Variants in CSMD2 observed in about 807,000 individuals in gnomAD.
CSMD2 encodes CUB and Sushi multiple domains 2.
A neutral mutation model predicts 398.5 loss-of-function variants in CSMD2; 130 were observed. That is an observed-to-expected ratio of 0.33 (90% CI 0.28 to 0.38). The LOEUF is 0.38. Among genes scored for constraint, CSMD2 ranks in the 10% least tolerant of loss-of-function variants. CSMD2 has a pLI of 1.00. For missense variants in CSMD2, 3,829 were observed against 4,764.9 expected, an observed-to-expected ratio of 0.80 and a Z score of 5.78; for synonymous variants, 1,828 against 1,908.5, an observed-to-expected ratio of 0.96 and a Z score of 1.10.
At chr1:33,946,220 ACT>A (rs1173127852) in intron 3 of CSMD2, among the ~76,000 whole-genome samples, 1 of 152,164 alleles carries the variant, frequency 6.6e-6, no homozygotes. Context: ...TTGGAACTTT[ACT>A]CTCAGTAATG....
chr1:33,792,870 C>G (rs1654487373), intron 10 of CSMD2, among the ~76,000 whole-genome samples: 1 of 152,208 alleles, frequency 6.6e-6, no homozygotes, highest in South Asian at 2.1e-4. Flanking sequence ...TTGTTGGCAA[C>G]TTTTCAGGCC....
At chr1:34,030,529 C>T (rs372659242) in intron 3 of CSMD2, among the ~76,000 whole-genome samples, 10 of 152,176 alleles carry the variant, frequency 6.6e-5, no homozygotes, top group African/African-American at 2.4e-4. Context: ...AAGATATACC[C>T]ACCCTCAGAA....
chr1:33,773,067 T>C (rs1242944261), intron 12 of CSMD2, among the ~76,000 whole-genome samples: 2 of 152,186 alleles, frequency 1.3e-5, no homozygotes, highest in Non-Finnish European at 2.9e-5. Flanking sequence ...GATGAAGCAA[T>C]TTTAGGGAGA....
chr1:33,849,014 T>C (rs900713171), intron 5 of CSMD2, among the ~76,000 whole-genome samples: 3 of 152,104 alleles, frequency 2.0e-5, no homozygotes, highest in African/African-American at 7.2e-5. Context: ...CAGCAGGAAG[T>C]CAGTGAGACT....
At chr1:33,670,211 CAG>C (rs1449471445) in intron 25 of CSMD2, among the ~76,000 whole-genome samples, 1 of 152,180 alleles carries the variant, frequency 6.6e-6, no homozygotes, top group Non-Finnish European at 1.5e-5. Flanking sequence ...CCTGCTCTAT[CAG>C]AGTCATCCAT....
At chr1:33,604,200 G>A (rs1373452688) in intron 42 of CSMD2, among the ~76,000 whole-genome samples, 1 of 152,242 alleles carries the variant, frequency 6.6e-6, no homozygotes, top group Non-Finnish European at 1.5e-5. Flanking sequence ...CAAGGTGTGA[G>A]AATGGAAGAA....
chr1:33,987,213 T>C (rs778080178), intron 3 of CSMD2, among the ~76,000 whole-genome samples: 33 of 152,064 alleles, frequency 2.2e-4, no homozygotes, highest in Non-Finnish European at 4.7e-4. Context: ...CTTGGACAAT[T>C]CCCTTATCTA....
chr1:33,524,730 C>A (rs963337337), intron 66 of CSMD2, 152 bp downstream of exon 66: 1 of 682,290 alleles, frequency 1.5e-6, no homozygotes, highest in Non-Finnish European at 2.4e-6. Context: ...AGTGCTTTAT[C>A]ATGTAAAGAT....
chr1:33,913,390 G>A (rs1012105586), intron 5 of CSMD2, among the ~76,000 whole-genome samples: 33 of 152,172 alleles, frequency 2.2e-4, no homozygotes, highest in Non-Finnish European at 2.6e-4. Flanking sequence ...CCACTGGGCT[G>A]GAAAGCTCAT....
intron 13 of CSMD2, among the ~76,000 whole-genome samples, chr1:33,751,764 G>T (rs372828058): frequency 6.6e-6 from 1 of 152,112 alleles, no homozygotes; most frequent in East Asian, 1.9e-4. Context: ...GAATACAGGT[G>T]TGTGCCACCA....
chr1:33,782,802 G>T (rs146420860), intron 12 of CSMD2, among the ~76,000 whole-genome samples: 31 of 152,260 alleles, frequency 2.0e-4, no homozygotes, highest in Non-Finnish European at 4.1e-4. Flanking sequence ...GAACTTGGTG[G>T]AATTATTATT....
chr1:33,533,217 C>G lies in CSMD2; in HGVS notation c.10004G>C (p.Arg3335Thr). 2 of 1,613,944 alleles carry G rather than the reference C, an allele frequency of 1.2e-6. No individual in the cohort carries two copies. Among genetic ancestry groups the G allele is most frequent in the Non-Finnish European group, 1.7e-6 (2 of 1,179,990 alleles). ...GGCATGCGTTGGCGTCTCTGGCTGC[C>G]TGCAGTGGTGGGCTGGATGAGAGGA... is the stretch of plus-strand genomic sequence containing the variant. ...TPPDCVPHHC[R>T]QPETPTHANV... Residue 3335 changes from arginine (R) to threonine (T), a missense_variant, in exon 64 of 71, where the codon AGG becomes ACG. Coordinates refer to ENST00000373381, the MANE Select transcript of CSMD2 (RefSeq NM_001281956.2). The surrounding 1 kb of genome is among the most constrained non-coding windows in gnomAD (Gnocchi z 4.2).
intron 13 of CSMD2, among the ~76,000 whole-genome samples, chr1:33,768,882 A>T (rs1650900853): frequency 6.6e-6 from 1 of 152,208 alleles, no homozygotes; most frequent in South Asian, 2.1e-4. Context: ...TATACTATAC[A>T]CATTAAGAAC....
At chr1:33,665,228 T>C (rs553623014) in intron 25 of CSMD2, among the ~76,000 whole-genome samples, 1 of 152,314 alleles carries the variant, frequency 6.6e-6, no homozygotes, top group African/African-American at 2.4e-5. Context: ...TGCTAATCTT[T>C]TCTCCTAGTG....
Position 34,125,895 on chromosome 1 carries a change from A to AG in CSMD2, c.188-36703dup, listed in dbSNP as rs1366264965. 2.0e-5 allele frequency among the ~76,000 whole-genome samples: 3 copies of AG among 152,120 alleles called. No individual in the cohort carries two copies. In the East Asian group the frequency reaches 5.8e-4, roughly 29 times the overall value. ...AGTTCAGGCCCCGGGAGGGCTTTTG[A>AG]GGGGGAGATCTCCAGGACCCAGTGG... On this transcript the variant is annotated intron_variant, in intron 1 of 70. Coordinates refer to ENST00000373381, the MANE Select transcript of CSMD2 (RefSeq NM_001281956.2).
chr1:34,114,043 A>G (rs1252590681), intron 1 of CSMD2, among the ~76,000 whole-genome samples: 1 of 152,202 alleles, frequency 6.6e-6, no homozygotes, highest in African/African-American at 2.4e-5. Flanking sequence ...CCTGGGGGCC[A>G]TGGAGAACAA....
At chr1:33,634,095 ACTT>A (rs1419799019) in intron 31 of CSMD2, among the ~76,000 whole-genome samples, 15 of 152,284 alleles carry the variant, frequency 9.9e-5, no homozygotes, top group Middle Eastern at 3.4e-3. Context: ...GCCTTTCAGG[ACTT>A]TTCTAACTGC....
At chr1:34,025,392 G>A (rs780758739) in intron 3 of CSMD2, among the ~76,000 whole-genome samples, 7 of 152,134 alleles carry the variant, frequency 4.6e-5, no homozygotes, top group Admixed American at 1.3e-4. Flanking sequence ...TGAAAGTCAA[G>A]GACTGCACAC....
At chr1:33,605,149 G>A (rs777441079) in intron 42 of CSMD2, 133 bp downstream of exon 42, 32 of 863,138 alleles carry the variant, frequency 3.7e-5, no homozygotes, top group Non-Finnish European at 3.2e-5. Flanking sequence ...TGTGAAAACA[G>A]GATGGACCAC....
Sources: allele counts gnomAD v4.1 joint callset (sites outside exome capture counted in the v4.1 genomes callset), GRCh38; gene constraint gnomAD v4.1.1; non-coding constraint Gnocchi (gnomAD v3.1); transcripts MANE v1.5; gene names NCBI Gene and HGNC (gene_info 2026-07-23, HGNC 2026-07-21).